Variants in NCKAP1 observed in about 807,000 individuals in gnomAD.
The protein encoded by NCKAP1 is nck-associated protein 1.
NCKAP1 carries 21 observed loss-of-function variants against 151.2 expected under a neutral mutation model. That is an observed-to-expected ratio of 0.14 (90% CI 0.10 to 0.20). The LOEUF (loss-of-function observed/expected upper bound fraction) is 0.20, where lower values mean the gene tolerates loss of function less well. NCKAP1 is among the 10% of genes least tolerant of loss of function. The pLI, the probability that NCKAP1 is intolerant of heterozygous loss-of-function variation, is 1.00. For synonymous variants in NCKAP1, 484 were observed against 451.8 expected (o/e 1.07, Z -0.90); for missense variants, 933 against 1,352.1 (o/e 0.69, Z 4.86).
chr2:183,031,012 T>C (rs915192768), intron 1 of NCKAP1, among the ~76,000 whole-genome samples: 9 of 152,186 alleles, frequency 5.9e-5, no homozygotes, highest in African/African-American at 2.2e-4. Context: ...GCTAGTAACT[T>C]GGATTAAGAG....
intron 2 of NCKAP1, among the ~76,000 whole-genome samples, chr2:183,014,319 T>A (rs1417380247): frequency 1.3e-5 from 2 of 152,152 alleles, no homozygotes; most frequent in Non-Finnish European, 2.9e-5. Context: ...ATGGTGGCAT[T>A]TAAGCACAGA....
At chr2:183,009,908 G>C (rs1359496575) in intron 2 of NCKAP1, among the ~76,000 whole-genome samples, 1 of 152,130 alleles carries the variant, frequency 6.6e-6, no homozygotes, top group Non-Finnish European at 1.5e-5. Flanking sequence ...GTAGCGTAGG[G>C]ACAAGCTAAA....
intron 6 of NCKAP1, among the ~76,000 whole-genome samples, chr2:182,997,173 A>G (rs1291495667): frequency 1.3e-5 from 2 of 152,048 alleles, no homozygotes; most frequent in Non-Finnish European, 2.9e-5. Context: ...GAGTCTGTCA[A>G]CCTTATTGGC....
chr2:182,989,539 T>G (rs1698125538), intron 8 of NCKAP1, among the ~76,000 whole-genome samples: 1 of 152,180 alleles, frequency 6.6e-6, no homozygotes, highest in South Asian at 2.1e-4. Context: ...GTTGTTATAA[T>G]AACTTAAAAA....
intron 24 of NCKAP1, among the ~76,000 whole-genome samples, chr2:182,939,030 T>C (rs1042013083): frequency 3.3e-5 from 5 of 152,216 alleles, no homozygotes; most frequent in Non-Finnish European, 5.9e-5. Context: ...AGGCAACTTA[T>C]AGGTTTGTAG....
Position 182,916,329 on chromosome 2 carries a change from C to G in NCKAP1, c.*9373G>C, listed in dbSNP as rs945414814. ...CAACATGAAGCTAAGGGCATCTGTA[C>G]CAATGGAGGTCTGTAGCATCTGTCC... On this transcript the variant is annotated 3_prime_UTR_variant, in exon 31 of 31. Coordinates refer to ENST00000361354, the MANE Select transcript of NCKAP1 (RefSeq NM_013436.5). The G allele has an allele frequency of 6.6e-6, 1 of 152,076 alleles. No individual in the cohort carries two copies. The highest frequency in any genetic ancestry group is 1.5e-5 in the Non-Finnish European group (1 of 68,042). The allele number at this position is 152,076 out of a possible 1,614,324, so 9.4% of individuals were successfully genotyped here.
At chr2:183,028,767 T>C (rs1024350646) in intron 1 of NCKAP1, among the ~76,000 whole-genome samples, 1 of 152,184 alleles carries the variant, frequency 6.6e-6, no homozygotes, top group African/African-American at 2.4e-5. Context: ...AACTTCTTTA[T>C]ATACATGGAT....
At chr2:182,936,668 A>G (rs1696882325) in intron 24 of NCKAP1, among the ~76,000 whole-genome samples, 1 of 152,152 alleles carries the variant, frequency 6.6e-6, no homozygotes, top group Non-Finnish European at 1.5e-5. Flanking sequence ...CTTTCACTAA[A>G]CCATACAAAT....
intron 2 of NCKAP1, among the ~76,000 whole-genome samples, chr2:183,017,201 T>TA (rs1039712544): frequency 2.6e-5 from 4 of 152,170 alleles, no homozygotes; most frequent in African/African-American, 9.7e-5. Context: ...AGACAATTTT[T>TA]CCATGTACTG....
intron 14 of NCKAP1, among the ~76,000 whole-genome samples, chr2:182,978,051 A>T (rs1317091459): frequency 6.6e-6 from 1 of 152,124 alleles, no homozygotes; most frequent in Non-Finnish European, 1.5e-5. Flanking sequence ...AATTTGAGAG[A>T]TCCTACGAAT....
intron 17 of NCKAP1, among the ~76,000 whole-genome samples, chr2:182,963,570 C>A (rs1156812953): frequency 6.6e-6 from 1 of 151,882 alleles, no homozygotes; most frequent in South Asian, 2.1e-4. Context: ...GTAATCCAGG[C>A]AAAGATGAAC....
At chr2:182,928,599 A>AT (rs918144810) in intron 28 of NCKAP1, among the ~76,000 whole-genome samples, 184 bp downstream of exon 28, 4 of 152,092 alleles carry the variant, frequency 2.6e-5, no homozygotes, top group Non-Finnish European at 5.9e-5. Flanking sequence ...CTCTACACAC[A>AT]TTCAGGCACA....
chr2:183,037,220 A>G (rs558328266), intron 1 of NCKAP1, among the ~76,000 whole-genome samples: 1 of 152,322 alleles, frequency 6.6e-6, no homozygotes, highest in Non-Finnish European at 1.5e-5. Flanking sequence ...ATCAGCAGCA[A>G]TTGCAACATT....
intron 18 of NCKAP1, among the ~76,000 whole-genome samples, chr2:182,961,768 G>A (rs1373897083): frequency 4.0e-5 from 6 of 150,962 alleles, no homozygotes; most frequent in South Asian, 2.1e-4. Context: ...CTTAAAGTTG[G>A]AAAGAAAAAA....
chr2:182,983,050 T>C (rs1240859143), intron 11 of NCKAP1, 123 bp from the exon 12 acceptor site: 2 of 773,878 alleles, frequency 2.6e-6, no homozygotes, highest in African/African-American at 3.5e-5. Context: ...GTGAAGAGAC[T>C]AACAGAAGAG....
chr2:182,957,697 T>C (rs1697354602), intron 18 of NCKAP1, 101 bp from the exon 19 acceptor site: 1 of 1,229,754 alleles, frequency 8.1e-7, no homozygotes. Flanking sequence ...GTGTTGCAAA[T>C]ATCACAACAA....
At position 182,915,444 on chromosome 2, in the gene NCKAP1, G is replaced by C. The variant is rs1461837103; in HGVS notation, c.*10258C>G. The stretch of plus-strand genomic sequence containing the variant: ...GACAGGAATAGCACAACTCACTAGA[G>C]CAGGTATCAGCTGCTCCCTCTAGTC... On this transcript the variant is annotated 3_prime_UTR_variant, in exon 31 of 31. Transcript: ENST00000361354. 6.6e-6 allele frequency: 1 copy of C among 152,170 alleles called. No homozygotes were observed. The highest frequency in any genetic ancestry group is 1.9e-4 in the East Asian group (1 of 5,184). 9.4% of individuals were successfully genotyped at this position (152,170 alleles called of 1,614,324 possible).
intron 10 of NCKAP1, among the ~76,000 whole-genome samples, chr2:182,985,373 T>C (rs1698032703): frequency 1.3e-5 from 2 of 152,200 alleles, no homozygotes; most frequent in South Asian, 4.1e-4. Flanking sequence ...CAAAGTGAAA[T>C]ATCAAATTAT....
chr2:183,016,658 CTTA>C (rs1037755761), intron 2 of NCKAP1, among the ~76,000 whole-genome samples: 15 of 152,260 alleles, frequency 9.9e-5, no homozygotes, highest in Admixed American at 3.3e-4. Flanking sequence ...AAACCAAACT[CTTA>C]TTTGTTGGCC....
Sources: allele counts gnomAD v4.1 joint callset (sites outside exome capture counted in the v4.1 genomes callset), GRCh38; gene constraint gnomAD v4.1.1; transcripts MANE v1.5; gene names NCBI Gene and HGNC (gene_info 2026-07-23, HGNC 2026-07-21).